Variants in RARB observed in about 807,000 individuals in gnomAD.
The protein encoded by RARB is retinoic acid receptor beta, also known as HBV-activated protein.
A neutral mutation model predicts 51.9 loss-of-function variants in RARB; 17 were observed. That is an observed-to-expected ratio of 0.33 (90% CI 0.22 to 0.49). RARB has a LOEUF of 0.49. RARB is among the 20% of genes least tolerant of loss of function. The probability of loss-of-function intolerance (pLI) is 0.99; values close to 1 mark genes in which losing one functional copy is unlikely to be tolerated. For synonymous variants in RARB, 215 were observed against 195.4 expected (o/e 1.10, Z -0.84); for missense variants, 369 against 550.8 (o/e 0.67, Z 3.30).
chr3:25,405,738 T>C lies in RARB; in HGVS notation c.179-55455T>C, dbSNP rs573332419. 3.9e-5 allele frequency among the ~76,000 whole-genome samples: 6 copies of C among 152,360 alleles called. No individual in the cohort carries two copies. In the East Asian group the frequency reaches 1.2e-3, roughly 29 times the overall value. On this transcript the variant is annotated intron_variant, in intron 5 of 11. Transcript: ENST00000383772. ...TAGCTGCATGTGGCTAATGATGCAT[T>C]ATTATAGGGCACAGATATTTCCGTC... is the stretch of plus-strand genomic sequence containing the variant.
At chr3:24,992,740 A>G (rs1161812590) in intron 2 of RARB, among the ~76,000 whole-genome samples, 1 of 152,138 alleles carries the variant, frequency 6.6e-6, no homozygotes, top group South Asian at 2.1e-4. Flanking sequence ...TCCTCTTTTT[A>G]TATGGACACC....
chr3:25,176,346 C>CTTTCTTTCTTTCTTTCTTTCTTTCTTTGT, intron 5 of RARB, among the ~76,000 whole-genome samples: 1 of 48,164 alleles, frequency 2.1e-5, no homozygotes, highest in South Asian at 6.3e-4. Context: ...TCCTTCCTTC[C>CTTTCTTTCTTTCTTTCTTTCTTTCTTTGT]TTCCTTCCTT....
intron 1 of RARB, among the ~76,000 whole-genome samples, chr3:24,856,492 A>G (rs1702638463): frequency 6.6e-6 from 1 of 152,180 alleles, no homozygotes. Context: ...CTGACTATCT[A>G]TCTAAGTTTT....
intron 2 of RARB, among the ~76,000 whole-genome samples, chr3:24,906,418 G>A (rs1694865259): frequency 6.6e-6 from 1 of 152,192 alleles, no homozygotes; most frequent in South Asian, 2.1e-4. Flanking sequence ...GAGTCAAGGA[G>A]CACCATTTAA....
At chr3:25,256,714 C>G (rs1575262857) in intron 5 of RARB, among the ~76,000 whole-genome samples, 1 of 151,550 alleles carries the variant, frequency 6.6e-6, no homozygotes, top group East Asian at 1.9e-4. Flanking sequence ...ATCAGTGGAG[C>G]AGAAAAGATA....
intron 5 of RARB, among the ~76,000 whole-genome samples, chr3:25,209,824 G>C (rs1701647365): frequency 6.6e-6 from 1 of 152,196 alleles, no homozygotes; most frequent in Non-Finnish European, 1.5e-5. Flanking sequence ...TTGGCCTTCA[G>C]AATGCATTTT....
intron 5 of RARB, among the ~76,000 whole-genome samples, chr3:25,299,001 A>G (rs572607939): frequency 2.6e-5 from 4 of 152,322 alleles, no homozygotes; most frequent in South Asian, 4.1e-4. Flanking sequence ...CACATCACAG[A>G]TATCATAGAC....
At chr3:25,370,470 GT>G (rs1458018260) in intron 5 of RARB, among the ~76,000 whole-genome samples, 7 of 152,172 alleles carry the variant, frequency 4.6e-5, no homozygotes, top group Admixed American at 4.6e-4. Context: ...AGGAGTGGGA[GT>G]TTTCTGGCTT....
intron 4 of RARB, among the ~76,000 whole-genome samples, chr3:25,151,744 C>T (rs1575183881): frequency 6.6e-6 from 1 of 152,262 alleles, no homozygotes; most frequent in Admixed American, 6.5e-5. Context: ...AGTGGATGTC[C>T]TTTTGCTCCC....
chr3:25,036,311 A>G (rs1697993264), intron 2 of RARB, among the ~76,000 whole-genome samples: 1 of 152,124 alleles, frequency 6.6e-6, no homozygotes, highest in Non-Finnish European at 1.5e-5. Flanking sequence ...ACAAAGCCAT[A>G]CCACTAATCA....
chr3:25,230,036 A>G (rs1702140662), intron 5 of RARB, among the ~76,000 whole-genome samples: 1 of 152,170 alleles, frequency 6.6e-6, no homozygotes. Context: ...TAGTGACAGC[A>G]AAGAAATAAA....
At chr3:25,487,174 T>C (rs1696514922) in intron 2 of RARB, among the ~76,000 whole-genome samples, 1 of 152,168 alleles carries the variant, frequency 6.6e-6, no homozygotes, top group African/African-American at 2.4e-5. Context: ...TCAGTCGCGT[T>C]TGACACAGTA....
At chr3:25,113,878 G>T (rs1699643787) in intron 3 of RARB, among the ~76,000 whole-genome samples, 1 of 152,116 alleles carries the variant, frequency 6.6e-6, no homozygotes, top group South Asian at 2.1e-4. Context: ...AGAAGGCAGA[G>T]TCCAAGAGAA....
chr3:25,575,782 C>T (rs377277504), intron 4 of RARB, among the ~76,000 whole-genome samples: 2 of 152,280 alleles, frequency 1.3e-5, no homozygotes, highest in Admixed American at 1.3e-4. Context: ...TTTCAAATAG[C>T]GTCACATTCT....
Position 25,491,597 on chromosome 3 carries a change from A to G in RARB, c.307-9585A>G, listed in dbSNP as rs116964335. The stretch of plus-strand genomic sequence containing the variant: ...ATTCTGTAGCCTGGACTGACTACAT[A>G]ATTTGCAGGACTTTATACAAAATGA... On this transcript the variant is annotated intron_variant, in intron 2 of 7. Coordinates refer to ENST00000330688, the MANE Select transcript of RARB (RefSeq NM_000965.5). 3.7e-3 allele frequency among the ~76,000 whole-genome samples: 569 copies of G among 152,320 alleles called. 12 individuals are homozygous for G. The highest frequency in any genetic ancestry group is 0.027 in the East Asian group (140 of 5,180).
rs547501356 is a variant in RARB at position 24,919,426 on chromosome 3, G to A, written c.-380+60674G>A. ...CTCTTGTGCCAATCATCGAGTTTTG[G>A]CTAATCAAAGATGGCCAACTGTTCA... On this transcript the variant is annotated intron_variant, in intron 2 of 11. Coordinates refer to the RARB transcript ENST00000383772. 4.6e-5 allele frequency among the ~76,000 whole-genome samples: 7 copies of A among 152,292 alleles called. No individual in the cohort carries two copies. In the East Asian group the frequency reaches 9.6e-4, roughly 21 times the overall value.
chr3:25,120,872 A>T (rs1475150267), intron 3 of RARB, among the ~76,000 whole-genome samples: 1 of 152,158 alleles, frequency 6.6e-6, no homozygotes, highest in Non-Finnish European at 1.5e-5. Flanking sequence ...CACACCCGTC[A>T]TTGACATATT....
intron 2 of RARB, among the ~76,000 whole-genome samples, chr3:25,492,731 T>C (rs533892980): frequency 6.6e-6 from 1 of 152,358 alleles, no homozygotes; most frequent in African/African-American, 2.4e-5. Flanking sequence ...GAACCATTTT[T>C]CTACGCATAT....
chr3:24,962,063 G>A (rs1696153705), intron 2 of RARB, among the ~76,000 whole-genome samples: 1 of 151,436 alleles, frequency 6.6e-6, no homozygotes, highest in African/African-American at 2.4e-5. Flanking sequence ...CCAAGTAGCT[G>A]GGACTACAGG....
Sources: gnomAD v4.1 joint callset for allele counts (sites outside exome capture counted in the v4.1 genomes callset) on GRCh38, gnomAD v4.1.1 for gene constraint, MANE v1.5 for transcripts, NCBI Gene and HGNC (gene_info 2026-07-23, HGNC 2026-07-21) for gene names.